Variants in DPYSL3 observed in about 807,000 individuals in gnomAD.
The protein encoded by DPYSL3 is dihydropyrimidinase like 3.
DPYSL3 carries 16 observed loss-of-function variants against 66.1 expected under a neutral mutation model. The observed-to-expected ratio is 0.24, with a 90% confidence interval of 0.16 to 0.37. The LOEUF (loss-of-function observed/expected upper bound fraction) is 0.37, where lower values mean the gene tolerates loss of function less well. DPYSL3 is among the 10% of genes least tolerant of loss of function. DPYSL3 has a pLI of 1.00. For synonymous variants in DPYSL3, 338 were observed against 345.1 expected (o/e 0.98, Z 0.23); for missense variants, 738 against 916.2 (o/e 0.81, Z 2.51).
At chr5:147,450,818 C>G (rs1752714440) in intron 1 of DPYSL3, among the ~76,000 whole-genome samples, 2 of 152,152 alleles carry the variant, frequency 1.3e-5, no homozygotes, top group Admixed American at 1.3e-4. Flanking sequence ...CCCACTAGTC[C>G]TCAGATTGTA....
At position 147,509,920 on chromosome 5, in the gene DPYSL3, G is replaced by T; in HGVS notation, c.-62C>A. 6.9e-7 allele frequency: 1 copy of T among 1,455,064 alleles called. No individual in the cohort carries two copies. The highest frequency in any genetic ancestry group is 1.4e-5 in the South Asian group (1 of 70,636). 90.1% of individuals were successfully genotyped at this position (1,455,064 alleles called of 1,614,324 possible). A position where few individuals can be genotyped will look rare whatever the true frequency, so the allele number is the denominator to read the frequency against. On this transcript the variant is annotated 5_prime_UTR_variant, in exon 1 of 14. Transcript: ENST00000343218. This position sits in a 1 kb window ranked among gnomAD's most constrained non-coding sequence, Gnocchi z 5.3. ...CCCAGAGGCGGAAAGGGCAGCCGCC[G>T]GCAGCGTGCGCCGAGCCACAGTGAC...
chr5:147,505,005 A>T (rs1753663938), intron 1 of DPYSL3, among the ~76,000 whole-genome samples: 1 of 152,188 alleles, frequency 6.6e-6, no homozygotes, highest in South Asian at 2.1e-4. Context: ...AAAAATAAAT[A>T]CTTTTCACTT....
intron 6 of DPYSL3, among the ~76,000 whole-genome samples, chr5:147,411,685 C>T (rs550734062): frequency 2.6e-5 from 4 of 152,212 alleles, no homozygotes; most frequent in South Asian, 4.2e-4. Context: ...ACTAATGGTC[C>T]GAGATGAGGG....
At position 147,463,019 on chromosome 5, in the gene DPYSL3, T is replaced by G. The variant is rs1213390665; in HGVS notation, c.382-38056A>C. ...AGGTTCAACATGTTATAAGAACAGG[T>G]GGACCTAGCAGCAATTCACTGCAGA... is the stretch of plus-strand genomic sequence containing the variant. On this transcript the variant is annotated intron_variant, in intron 1 of 13. Coordinates refer to ENST00000343218, the MANE Select transcript of DPYSL3 (RefSeq NM_001197294.2). Among the ~76,000 whole-genome samples the G allele has an allele frequency of 2.0e-5, 3 of 152,118 alleles. No individual in the cohort carries two copies. The East Asian group carries it at 5.8e-4, about 29-fold the overall frequency.
At chr5:147,444,728 A>G (rs1581197967) in intron 1 of DPYSL3, among the ~76,000 whole-genome samples, 1 of 152,218 alleles carries the variant, frequency 6.6e-6, no homozygotes, top group African/African-American at 2.4e-5. Flanking sequence ...CCAAAGAATT[A>G]CATTTAGAAT....
intron 1 of DPYSL3, among the ~76,000 whole-genome samples, chr5:147,461,041 A>G (rs1752922967): frequency 6.6e-6 from 1 of 152,186 alleles, no homozygotes; most frequent in Non-Finnish European, 1.5e-5. Flanking sequence ...GCCCAAGAAA[A>G]GCAGCCTGGA....
intron 1 of DPYSL3, among the ~76,000 whole-genome samples, chr5:147,437,196 T>C (rs1003107091): frequency 5.3e-5 from 8 of 152,224 alleles, no homozygotes; most frequent in African/African-American, 1.9e-4. Context: ...TCATCTTTTC[T>C]GACTGACAGC....
chr5:147,446,206 A>T (rs1342312489), intron 1 of DPYSL3, among the ~76,000 whole-genome samples: 1 of 152,206 alleles, frequency 6.6e-6, no homozygotes, highest in Non-Finnish European at 1.5e-5. Context: ...ATCTGGTTCA[A>T]TGCCCTCATT....
At chr5:147,394,745 CAA>C (rs1300042453) in intron 13 of DPYSL3, among the ~76,000 whole-genome samples, 1 of 152,062 alleles carries the variant, frequency 6.6e-6, no homozygotes, top group Admixed American at 6.5e-5. Context: ...TGACCTCTGG[CAA>C]AGTTACCTCC....
chr5:147,437,402 T>C (rs963720637), intron 1 of DPYSL3, among the ~76,000 whole-genome samples: 2 of 152,236 alleles, frequency 1.3e-5, no homozygotes, highest in African/African-American at 4.8e-5. Flanking sequence ...CATCTATTTG[T>C]GGAGGCCACA....
intron 1 of DPYSL3, among the ~76,000 whole-genome samples, chr5:147,482,110 C>T (rs1443954665): frequency 6.6e-6 from 1 of 152,154 alleles, no homozygotes; most frequent in Non-Finnish European, 1.5e-5. Context: ...AGATAAAGAG[C>T]AGTCAGGGCC....
At chr5:147,501,871 CAG>C (rs1235966800) in intron 1 of DPYSL3, among the ~76,000 whole-genome samples, 9 of 152,056 alleles carry the variant, frequency 5.9e-5, no homozygotes, top group Admixed American at 2.0e-4. Flanking sequence ...TTTATGGAGA[CAG>C]GGGTATATGG....
At chr5:147,405,535 T>C in intron 8 of DPYSL3, 75 bp downstream of exon 8, 1 of 1,512,436 alleles carries the variant, frequency 6.6e-7, no homozygotes, top group Non-Finnish European at 8.8e-7. Flanking sequence ...CCATTTATAT[T>C]ACACAGGACA....
intron 1 of DPYSL3, among the ~76,000 whole-genome samples, chr5:147,454,716 G>C (rs1752814674): frequency 1.3e-5 from 2 of 152,170 alleles, no homozygotes; most frequent in Admixed American, 1.3e-4. Flanking sequence ...ACAATCCCGA[G>C]TTTACTTTAG....
intron 6 of DPYSL3, 79 bp downstream of exon 6, chr5:147,412,529 G>A (rs983064418): frequency 4.3e-6 from 6 of 1,400,508 alleles, no homozygotes; most frequent in Middle Eastern, 2.3e-4. Context: ...CATATTGAGA[G>A]CTCAAGCAGC....
At chr5:147,434,721 AGTG>A (rs1316162412) in intron 1 of DPYSL3, among the ~76,000 whole-genome samples, 2 of 113,580 alleles carry the variant, frequency 1.8e-5, no homozygotes, top group Non-Finnish European at 3.3e-5. Context: ...TAAAATGATC[AGTG>A]GTTACCAGTT....
At chr5:147,491,802 GACA>G (rs1753419923) in intron 1 of DPYSL3, among the ~76,000 whole-genome samples, 1 of 151,702 alleles carries the variant, frequency 6.6e-6, no homozygotes, top group Admixed American at 6.6e-5. Flanking sequence ...AGAACTGTGG[GACA>G]ACTACCAAAG....
chr5:147,395,575 C>T lies in DPYSL3; in HGVS notation c.1950G>A (p.Ser650=), dbSNP rs199502989. Residue 650 remains serine (S), a synonymous_variant, in exon 13 of 14, where the codon TCG becomes TCA. Transcript: ENST00000343218. ...CCCACTCACCTGACAGGCTAAATCCCGACTGATGAAGATTCCTCACAGGTG... is the reference window on the plus strand; with the variant it reads ...CCCACTCACCTGACAGGCTAAATCCTGACTGATGAAGATTCCTCACAGGTG... ...PNPPVRNLHQ[S]GFSLSGTQVD... 41 of 1,612,772 alleles carry T rather than the reference C, an allele frequency of 2.5e-5. No homozygotes were observed. Among genetic ancestry groups the T allele is most frequent in the East Asian group, 1.8e-4 (8 of 44,826 alleles).
chr5:147,437,520 T>C (rs1453986803), intron 1 of DPYSL3, among the ~76,000 whole-genome samples: 1 of 152,138 alleles, frequency 6.6e-6, no homozygotes, highest in Non-Finnish European at 1.5e-5. Flanking sequence ...CCTAAAACTG[T>C]CCGTGGTGTG....
Sources: gnomAD v4.1 joint callset for allele counts (sites outside exome capture counted in the v4.1 genomes callset) on GRCh38, gnomAD v4.1.1 for gene constraint, Gnocchi (gnomAD v3.1) non-coding constraint, MANE v1.5 for transcripts, NCBI Gene and HGNC (gene_info 2026-07-23, HGNC 2026-07-21) for gene names.